Variants in SYCE2 observed in about 807,000 individuals in gnomAD.
SYCE2 encodes the protein synaptonemal complex central element protein 2.
Under a neutral mutation model 27.9 loss-of-function variants are expected in SYCE2, and 3 were observed. That is an observed-to-expected ratio of 0.11 (90% CI 0.05 to 0.28). The LOEUF (loss-of-function observed/expected upper bound fraction) is 0.28, where lower values mean the gene tolerates loss of function less well. SYCE2 is among the 10% of genes least tolerant of loss of function. SYCE2 has a pLI of 1.00. For synonymous variants in SYCE2, 85 were observed against 100.7 expected (o/e 0.84, Z 0.93); for missense variants, 207 against 263.5 (o/e 0.79, Z 1.48).
chr19:12,905,484 A>C (rs1288527369), intron 2 of SYCE2, among the ~76,000 whole-genome samples: 3 of 151,760 alleles, frequency 2.0e-5, no homozygotes, highest in African/African-American at 7.3e-5. Flanking sequence ...GGCGCCCGCC[A>C]CCACGTCCAG....
intron 3 of SYCE2, among the ~76,000 whole-genome samples, chr19:12,901,635 G>A (rs992578918): frequency 8.6e-5 from 13 of 151,782 alleles, no homozygotes; most frequent in Non-Finnish European, 1.8e-4. Context: ...GTTTTCTTGC[G>A]GCGGAGTTTC....
At chr19:12,907,852 G>A (rs1312966267) in intron 2 of SYCE2, among the ~76,000 whole-genome samples, 3 of 152,148 alleles carry the variant, frequency 2.0e-5, no homozygotes, top group South Asian at 4.2e-4. Context: ...GTGGGCTCAC[G>A]CCTGTAATAC....
chr19:12,915,813 G>A (rs1465675060), intron 2 of SYCE2, among the ~76,000 whole-genome samples: 1 of 151,924 alleles, frequency 6.6e-6, no homozygotes, highest in Admixed American at 6.6e-5. Flanking sequence ...CACGAGCAGG[G>A]ACTTCGCACG....
intron 3 of SYCE2, among the ~76,000 whole-genome samples, chr19:12,901,604 T>A (rs1464391424): frequency 6.6e-6 from 1 of 151,980 alleles, no homozygotes; most frequent in African/African-American, 2.4e-5. Flanking sequence ...ATATTTTAAA[T>A]TTTTTTGCTT....
chr19:12,900,291 C>T, intron 4 of SYCE2, 169 bp downstream of exon 4: 9 of 1,055,326 alleles, frequency 8.5e-6, no homozygotes, highest in Non-Finnish European at 1.2e-5. Flanking sequence ...TCAGACACAC[C>T]ATGTTATAGG....
chr19:12,905,306 T>A (rs142086537), intron 2 of SYCE2, among the ~76,000 whole-genome samples: 101 of 152,298 alleles, frequency 6.6e-4, no homozygotes, highest in African/African-American at 2.2e-3. Context: ...TTTGGAATTT[T>A]GGAATACCAA....
intron 3 of SYCE2, among the ~76,000 whole-genome samples, chr19:12,900,904 G>T (rs1177669784): frequency 6.6e-6 from 1 of 152,174 alleles, no homozygotes; most frequent in Non-Finnish European, 1.5e-5. Context: ...GCTAGGACGG[G>T]TGTGGTGGCT....
At chr19:12,905,028 G>GAGATC (rs1419401332) in intron 2 of SYCE2, among the ~76,000 whole-genome samples, 5 of 151,650 alleles carry the variant, frequency 3.3e-5, no homozygotes, top group Admixed American at 2.6e-4. Context: ...ACAGGATGCT[G>GAGATC]AGATCAGCAC....
intron 3 of SYCE2, among the ~76,000 whole-genome samples, chr19:12,901,209 T>TAAAC (rs777253303): frequency 6.8e-6 from 1 of 146,762 alleles, no homozygotes; most frequent in Non-Finnish European, 1.5e-5. Flanking sequence ...AATAAATAAA[T>TAAAC]ACACAAATAC....
At chr19:12,918,743 G>C (rs879762764) in intron 1 of SYCE2, among the ~76,000 whole-genome samples, 1 of 152,030 alleles carries the variant, frequency 6.6e-6, no homozygotes, top group Admixed American at 6.6e-5. Flanking sequence ...CACGAGGTCA[G>C]GAGTGCGAGA....
At chr19:12,903,488 CA>C (rs767830327) in intron 3 of SYCE2, among the ~76,000 whole-genome samples, 8 of 150,882 alleles carry the variant, frequency 5.3e-5, no homozygotes, top group Non-Finnish European at 1.0e-4. Flanking sequence ...CTCCCAGGTT[CA>C]AGCAATTCTG....
At chr19:12,918,585 T>G (rs911157341) in intron 1 of SYCE2, among the ~76,000 whole-genome samples, 1 of 151,980 alleles carries the variant, frequency 6.6e-6, no homozygotes, top group African/African-American at 2.4e-5. Context: ...GCTGTGGGAA[T>G]GTAACTGGAG....
Position 12,899,361 on chromosome 19 carries a change from T to G in SYCE2, c.637A>C (p.Asn213His). ...AGCTGTCAGCATTCACCATCTCTGT[T>G]GGTCTGTACTTCTGAAGCAGTGGCC... ...SQATASEVQT[N>H]RDGEC The change falls in exon 6 of 6, where the codon AAC becomes CAC. Residue 213 changes from asparagine (N) to histidine (H), a missense_variant. Transcript: ENST00000293695. 6.2e-7 allele frequency: 1 copy of G among 1,614,148 alleles called. No individual in the cohort carries two copies. Among genetic ancestry groups the G allele is most frequent in the South Asian group, 1.1e-5 (1 of 91,086 alleles).
chr19:12,901,501 C>A (rs529636868), intron 3 of SYCE2, among the ~76,000 whole-genome samples: 2 of 152,112 alleles, frequency 1.3e-5, no homozygotes, highest in African/African-American at 4.8e-5. Flanking sequence ...GATCACACTA[C>A]TGCACTCCAG....
At chr19:12,906,840 G>A (rs991284880) in intron 2 of SYCE2, among the ~76,000 whole-genome samples, 3 of 151,270 alleles carry the variant, frequency 2.0e-5, no homozygotes, top group Admixed American at 6.6e-5. Flanking sequence ...CTCGGGAGCC[G>A]AGATCACACC....
Position 12,919,229 on chromosome 19 carries a change from C to A in SYCE2, c.15+14G>T, listed in dbSNP as rs1428835080. The A allele has an allele frequency of 1.2e-6, 2 of 1,611,152 alleles. No individual in the cohort carries two copies. The highest frequency in any genetic ancestry group is 1.7e-6 in the Non-Finnish European group (2 of 1,180,004). On this transcript the variant is annotated intron_variant, in intron 1 of 5. Transcript: ENST00000293695. ...GCCCGCCCCACGCGCGAGAAGGAAA[C>A]AAGCGCCGCGTACTCCCTGTCGCTC...
chr19:12,904,593 T>A lies in SYCE2; in HGVS notation c.205A>T (p.Ile69Phe), dbSNP rs1216603951. The A allele has an allele frequency of 6.2e-7, 1 of 1,614,110 alleles. No homozygotes were observed. Among genetic ancestry groups the A allele is most frequent in the Admixed American group, 1.7e-5 (1 of 60,004 alleles). Residue 69 changes from isoleucine (I) to phenylalanine (F), a missense_variant, in exon 3 of 6, where the codon ATC (isoleucine) becomes TTC (phenylalanine). Transcript: ENST00000293695. ...YFSSLDSSID[I>F]LQKRAQELIE... ...AGCTCCTGGGCTCTCTTCTGCAGGA[T>A]GTCAATGCTTGAGTCCAGAGAGGAG...
intron 2 of SYCE2, 152 bp downstream of exon 2, chr19:12,918,070 C>G (rs536540703): frequency 6.3e-6 from 4 of 636,860 alleles, no homozygotes; most frequent in East Asian, 2.8e-5. Flanking sequence ...TGCAGTGAGC[C>G]GTGATCATGC....
intron 2 of SYCE2, chr19:12,906,322 G>A (rs1441055306): frequency 1.3e-5 from 2 of 152,150 alleles, no homozygotes; most frequent in African/African-American, 2.4e-5. Context: ...AAAGAAATGC[G>A]CACACACAAA....
Sources: gnomAD v4.1 joint callset for allele counts (sites outside exome capture counted in the v4.1 genomes callset) on GRCh38, gnomAD v4.1.1 for gene constraint, MANE v1.5 for transcripts, NCBI Gene and HGNC (gene_info 2026-07-23, HGNC 2026-07-21) for gene names.